Variants in UNC5D observed in about 807,000 individuals in gnomAD.
UNC5D encodes the protein unc-5 netrin receptor D.
UNC5D carries 39 observed loss-of-function variants against 105.4 expected under a neutral mutation model. The ratio of observed to expected loss-of-function variants is 0.37; its 90% CI spans 0.29 to 0.48. UNC5D has a LOEUF of 0.48. Ranked by LOEUF, UNC5D falls within the 20% of genes least tolerant of loss-of-function variation. The probability of loss-of-function intolerance (pLI) is 0.98; values close to 1 mark genes in which losing one functional copy is unlikely to be tolerated. For missense variants in UNC5D, 991 were observed against 1,202.4 expected, an observed-to-expected ratio of 0.82 and a Z score of 2.60; for synonymous variants, 452 against 450.4, an observed-to-expected ratio of 1.00 and a Z score of -0.04.
At chr8:35,525,197 C>G (rs1211694111) in intron 1 of UNC5D, 1 of 1,611,016 alleles carries the variant, frequency 6.2e-7, no homozygotes, top group Non-Finnish European at 8.5e-7. Flanking sequence ...GGGCAGCCTC[C>G]TTCTGTGGTT....
rs555532453 is a variant in UNC5D, at chr8:35,471,950, ATC to A, written c.104-77339_104-77338del. Among the ~76,000 whole-genome samples, 541 of 152,344 alleles carry A rather than the reference ATC, an allele frequency of 3.6e-3. 5 individuals are homozygous for A. Among genetic ancestry groups the A allele is most frequent in the African/African-American group, 0.012 (516 of 41,576 alleles). On this transcript the variant is annotated intron_variant, in intron 1 of 16. Coordinates refer to ENST00000404895, the MANE Select transcript of UNC5D (RefSeq NM_080872.4). ...ATTAAACAAAACAAAATAAGCAGAT[ATC>A]TCAGTGTTTTCTTTGTGAATCAGTA... is the stretch of plus-strand genomic sequence containing the variant.
intron 4 of UNC5D, among the ~76,000 whole-genome samples, chr8:35,618,727 T>C (rs1821175624): frequency 6.6e-6 from 1 of 152,236 alleles, no homozygotes; most frequent in African/African-American, 2.4e-5. Flanking sequence ...TTAGGTTAAG[T>C]AACTTCCCCA....
At chr8:35,717,588 C>G (rs1188474273) in intron 8 of UNC5D, among the ~76,000 whole-genome samples, 1 of 152,146 alleles carries the variant, frequency 6.6e-6, no homozygotes, top group Non-Finnish European at 1.5e-5. Flanking sequence ...CTGGAGAGTA[C>G]TGTAAAGTCG....
intron 1 of UNC5D, among the ~76,000 whole-genome samples, chr8:35,249,374 A>G (rs1048647522): frequency 6.7e-6 from 1 of 149,388 alleles, no homozygotes; most frequent in Non-Finnish European, 1.5e-5. Flanking sequence ...AGTGGCTAAC[A>G]TGGCGAAACC....
chr8:35,252,001 T>A (rs945537375), intron 1 of UNC5D, among the ~76,000 whole-genome samples: 4 of 151,228 alleles, frequency 2.6e-5, no homozygotes, highest in Admixed American at 1.3e-4. Flanking sequence ...ACTACCCTGT[T>A]CCTAACTACC....
At chr8:35,548,019 C>T (rs1199517669) in intron 1 of UNC5D, among the ~76,000 whole-genome samples, 1 of 152,178 alleles carries the variant, frequency 6.6e-6, no homozygotes, top group Admixed American at 6.5e-5. Context: ...GAAGTCTCAA[C>T]CAGTCTAGTC....
intron 1 of UNC5D, among the ~76,000 whole-genome samples, chr8:35,486,328 G>A (rs7001739): frequency 0.17 from 25,795 of 152,002 alleles, 2,945 homozygotes; most frequent in African/African-American, 0.29. Context: ...CATCCTCTAA[G>A]CACATAATAA....
chr8:35,565,098 G>A (rs996349614), intron 2 of UNC5D, among the ~76,000 whole-genome samples: 2 of 152,076 alleles, frequency 1.3e-5, no homozygotes, highest in Non-Finnish European at 2.9e-5. Context: ...TTTTCTTTGG[G>A]TAGATACCCA....
intron 3 of UNC5D, among the ~76,000 whole-genome samples, chr8:35,578,020 T>A (rs1180907089): frequency 6.6e-6 from 1 of 151,042 alleles, no homozygotes; most frequent in Non-Finnish European, 1.5e-5. Flanking sequence ...AGGTCAGGAG[T>A]TGGAGACCAG....
intron 1 of UNC5D, among the ~76,000 whole-genome samples, chr8:35,450,489 C>CT (rs1459850666): frequency 1.3e-5 from 2 of 152,000 alleles, no homozygotes; most frequent in Non-Finnish European, 2.9e-5. Flanking sequence ...GCTGAAAATG[C>CT]TTTTTGACTA....
chr8:35,594,775 G>T (rs1211950377), intron 3 of UNC5D, among the ~76,000 whole-genome samples: 1 of 152,090 alleles, frequency 6.6e-6, no homozygotes, highest in Non-Finnish European at 1.5e-5. Flanking sequence ...ACTCAGCCTG[G>T]GTGTCAGGAA....
chr8:35,456,723 A>G (rs948490772), intron 1 of UNC5D, among the ~76,000 whole-genome samples: 2 of 152,196 alleles, frequency 1.3e-5, no homozygotes, highest in African/African-American at 4.8e-5. Context: ...CTGTCAGCAT[A>G]TTTGTTAGAA....
intron 4 of UNC5D, among the ~76,000 whole-genome samples, chr8:35,598,461 G>T (rs2130913413): frequency 6.6e-6 from 1 of 152,246 alleles, no homozygotes; most frequent in African/African-American, 2.4e-5. Context: ...AATGGAAATT[G>T]GTATAGCCAT....
At chr8:35,596,562 A>G (rs1231366478) in intron 4 of UNC5D, among the ~76,000 whole-genome samples, 2 of 152,140 alleles carry the variant, frequency 1.3e-5, no homozygotes, top group East Asian at 3.9e-4. Context: ...TCCTGACGAC[A>G]TGTGCCCAAT....
intron 1 of UNC5D, among the ~76,000 whole-genome samples, chr8:35,273,254 T>C (rs1805545758): frequency 6.6e-6 from 1 of 152,240 alleles, no homozygotes; most frequent in African/African-American, 2.4e-5. Context: ...CTTCCCGAAT[T>C]AATCAACTAG....
chr8:35,299,317 A>G (rs754039516), intron 1 of UNC5D, among the ~76,000 whole-genome samples: 1 of 152,198 alleles, frequency 6.6e-6, no homozygotes, highest in Non-Finnish European at 1.5e-5. Flanking sequence ...CCCTGATAAA[A>G]GCAGTGCCAG....
intron 4 of UNC5D, among the ~76,000 whole-genome samples, chr8:35,612,910 T>C (rs185448449): frequency 3.3e-4 from 50 of 152,212 alleles, no homozygotes; most frequent in Non-Finnish European, 2.8e-4. Context: ...ATGCCTTTTC[T>C]AATCTTCTTT....
intron 3 of UNC5D, among the ~76,000 whole-genome samples, chr8:35,584,113 T>C (rs1364882172): frequency 1.3e-5 from 2 of 152,096 alleles, no homozygotes; most frequent in African/African-American, 4.8e-5. Context: ...ATTATTGTCT[T>C]GTAGATTTTT....
intron 4 of UNC5D, among the ~76,000 whole-genome samples, chr8:35,662,186 C>CAAAA (rs10692805): frequency 8.3e-5 from 9 of 108,656 alleles, no homozygotes; most frequent in African/African-American, 1.8e-4. Flanking sequence ...CAAAAGCTTT[C>CAAAA]AAAAAAAAAA....
Sources: gnomAD v4.1 joint callset for allele counts (sites outside exome capture counted in the v4.1 genomes callset) on GRCh38, gnomAD v4.1.1 for gene constraint, MANE v1.5 for transcripts, NCBI Gene and HGNC (gene_info 2026-07-23, HGNC 2026-07-21) for gene names.